Variants in UBXN7 observed in about 807,000 individuals in gnomAD.
UBXN7 encodes UBX domain-containing protein 7.
A neutral mutation model predicts 58.0 loss-of-function variants in UBXN7; 9 were observed. The observed-to-expected ratio is 0.16, with a 90% CI of 0.09 to 0.27. UBXN7 has a LOEUF of 0.27. Among genes scored for constraint, UBXN7 ranks in the 10% least tolerant of loss-of-function variants. The pLI is 1.00. For synonymous variants in UBXN7, 208 were observed against 205.0 expected (o/e 1.01, Z -0.12); for missense variants, 328 against 599.6 (o/e 0.55, Z 4.73).
intron 5 of UBXN7, among the ~76,000 whole-genome samples, chr3:196,376,683 T>C (rs890944830): frequency 1.3e-5 from 2 of 152,080 alleles, no homozygotes; most frequent in African/African-American, 4.8e-5. Flanking sequence ...AAAATATTCT[T>C]AGTAATTAGA....
chr3:196,376,562 A>AG (rs1233033146), intron 5 of UBXN7, among the ~76,000 whole-genome samples: 49 of 150,588 alleles, frequency 3.3e-4, no homozygotes, highest in Non-Finnish European at 6.9e-4. Context: ...AAAAAAAAAA[A>AG]AAAAAAGAAA....
At chr3:196,392,098 A>C (rs541320243) in intron 4 of UBXN7, among the ~76,000 whole-genome samples, 173 bp from the exon 5 acceptor site, 1 of 152,306 alleles carries the variant, frequency 6.6e-6, no homozygotes. Context: ...AAGGGAGATA[A>C]GAGGAATCTT....
chr3:196,367,967 T>C, intron 8 of UBXN7, 61 bp downstream of exon 8: 1 of 1,574,684 alleles, frequency 6.4e-7, no homozygotes, highest in Admixed American at 1.8e-5. Context: ...GAACATTTTA[T>C]ATAAGATGCT....
At chr3:196,358,236 T>TA (rs966067944) in intron 10 of UBXN7, among the ~76,000 whole-genome samples, 1 of 151,878 alleles carries the variant, frequency 6.6e-6, no homozygotes, top group African/African-American at 2.4e-5. Flanking sequence ...AAGAGAAACA[T>TA]AGAGAAAAAC....
chr3:196,410,004 G>A (rs972390161), intron 1 of UBXN7, among the ~76,000 whole-genome samples: 61 of 150,052 alleles, frequency 4.1e-4, no homozygotes, highest in Non-Finnish European at 6.6e-4. Flanking sequence ...GTAATGGTGC[G>A]ATCTTGGCTC....
chr3:196,386,500 TAAGCA>T (rs2009365166), intron 5 of UBXN7, among the ~76,000 whole-genome samples: 1 of 150,980 alleles, frequency 6.6e-6, no homozygotes, highest in Admixed American at 6.6e-5. Flanking sequence ...CTTAAGCTGA[TAAGCA>T]ACTTCAGCAA....
At chr3:196,368,451 C>T (rs1203682813) in intron 7 of UBXN7, among the ~76,000 whole-genome samples, 1 of 152,100 alleles carries the variant, frequency 6.6e-6, no homozygotes, top group African/African-American at 2.4e-5. Flanking sequence ...CATATGCATA[C>T]ATTAAAAACC....
At chr3:196,370,823 C>T (rs573674814) in intron 6 of UBXN7, among the ~76,000 whole-genome samples, 1 of 134,626 alleles carries the variant, frequency 7.4e-6, no homozygotes, top group Non-Finnish European at 1.5e-5. Context: ...GAGTTCGAGA[C>T]GAGCCTGGGC....
chr3:196,421,159 GA>G (rs1486442726), intron 1 of UBXN7, among the ~76,000 whole-genome samples: 1 of 152,182 alleles, frequency 6.6e-6, no homozygotes, highest in Non-Finnish European at 1.5e-5. Context: ...TGAGTACAGA[GA>G]AATCGAATTA....
At chr3:196,395,685 T>C (rs1224656367) in intron 3 of UBXN7, among the ~76,000 whole-genome samples, 2 of 152,114 alleles carry the variant, frequency 1.3e-5, no homozygotes, top group African/African-American at 4.8e-5. Flanking sequence ...TTGGAACTCC[T>C]GGGCTCAAGG....
At chr3:196,377,956 T>G (rs569689569) in intron 5 of UBXN7, among the ~76,000 whole-genome samples, 6 of 152,348 alleles carry the variant, frequency 3.9e-5, no homozygotes, top group Admixed American at 1.3e-4. Context: ...ATTACAGGCA[T>G]GAGCCACTGC....
chr3:196,352,575 T>C lies in UBXN7; in HGVS notation c.*4110A>G, dbSNP rs1443831891. ...ATTAGATCTCAGATTTCAAAATACTTCCAACTTCTATAAAGAACTCAATAG... is the reference window on the plus strand; with the variant it reads ...ATTAGATCTCAGATTTCAAAATACTCCCAACTTCTATAAAGAACTCAATAG... On this transcript the variant is annotated 3_prime_UTR_variant, in exon 11 of 11. Coordinates refer to ENST00000296328, the MANE Select transcript of UBXN7 (RefSeq NM_015562.2). This position sits in a 1 kb window ranked among gnomAD's most constrained non-coding sequence, Gnocchi z 4.1. The C allele has an allele frequency of 6.6e-6, 1 of 152,166 alleles. No individual in the cohort carries two copies. The highest frequency in any genetic ancestry group is 2.4e-5 in the African/African-American group (1 of 41,436). The allele number at this position is 152,166 out of a possible 1,614,324, so 9.4% of individuals were successfully genotyped here.
At chr3:196,432,079 C>T (rs1032048536) in intron 1 of UBXN7, 2 of 617,252 alleles carry the variant, frequency 3.2e-6, no homozygotes, top group South Asian at 1.8e-5. Context: ...TCTGGGCTGG[C>T]GGGGGGTTGG....
rs550658223 is a variant in UBXN7 at position 196,413,287 on chromosome 3, G to A, written c.74-5894C>T. Among the ~76,000 whole-genome samples the A allele has an allele frequency of 4.6e-5, 7 of 152,086 alleles. No individual in the cohort carries two copies. In the East Asian group the frequency reaches 7.7e-4, roughly 17 times the overall value. On this transcript the variant is annotated intron_variant, in intron 1 of 10. Coordinates refer to ENST00000296328, the MANE Select transcript of UBXN7 (RefSeq NM_015562.2). ...CAGGAGGCAGAGGTTGCAGTGAGCCGAGGTTGCTCCATTGCACTTCAGCCT... is the reference window on the plus strand; with the variant it reads ...CAGGAGGCAGAGGTTGCAGTGAGCCAAGGTTGCTCCATTGCACTTCAGCCT...
At chr3:196,389,385 A>C (rs1224221496) in intron 5 of UBXN7, among the ~76,000 whole-genome samples, 1 of 152,254 alleles carries the variant, frequency 6.6e-6, no homozygotes, top group Non-Finnish European at 1.5e-5. Flanking sequence ...TTGTTTGGTC[A>C]AATTATCATC....
In UBXN7 at chr3:196,350,290, A is replaced by G. The variant is rs1728180257; in HGVS notation, c.*6395T>C. 6.6e-6 allele frequency: 1 copy of G among 152,240 alleles called. No individual in the cohort carries two copies. The highest frequency in any genetic ancestry group is 1.5e-5 in the Non-Finnish European group (1 of 68,044). 9.4% of individuals were successfully genotyped at this position (152,240 alleles called of 1,614,324 possible). On this transcript the variant is annotated 3_prime_UTR_variant, in exon 11 of 11. Coordinates refer to ENST00000296328, the MANE Select transcript of UBXN7 (RefSeq NM_015562.2). ...ATGAGAATATCTGCAATTTTAAGCA[A>G]CACAACAGCAACTGGTAGGCCACAA...
intron 5 of UBXN7, among the ~76,000 whole-genome samples, chr3:196,373,197 G>C (rs1327437570): frequency 6.6e-6 from 1 of 152,046 alleles, no homozygotes; most frequent in Non-Finnish European, 1.5e-5. Context: ...AAACATTTTA[G>C]TAAAAACTGC....
intron 1 of UBXN7, among the ~76,000 whole-genome samples, chr3:196,419,061 T>C (rs1181182245): frequency 6.6e-6 from 1 of 151,952 alleles, no homozygotes; most frequent in Admixed American, 6.6e-5. Flanking sequence ...AGGCCAGGAG[T>C]TGGAGACCAG....
intron 1 of UBXN7, among the ~76,000 whole-genome samples, chr3:196,422,384 G>C (rs1730716619): frequency 6.6e-6 from 1 of 151,900 alleles, no homozygotes. Flanking sequence ...AGGAGGCTGA[G>C]GCAGGAGGAT....
Sources: gnomAD v4.1 joint callset for allele counts (sites outside exome capture counted in the v4.1 genomes callset) on GRCh38, gnomAD v4.1.1 for gene constraint, Gnocchi (gnomAD v3.1) non-coding constraint, MANE v1.5 for transcripts, NCBI Gene and HGNC (gene_info 2026-07-23, HGNC 2026-07-21) for gene names.